Variants in PRKN observed in about 807,000 individuals in gnomAD.
The protein encoded by PRKN is parkin RBR E3 ubiquitin protein ligase, also known as E3 ubiquitin-protein ligase parkin.
Under a neutral mutation model 59.5 loss-of-function variants are expected in PRKN, and 56 were observed. That is an observed-to-expected ratio of 0.94 (90% CI 0.76 to 1.18). The LOEUF is 1.18. PRKN is among the 50% of genes most tolerant of loss of function. The pLI is 0.00. For synonymous variants in PRKN, 250 were observed against 222.1 expected, an observed-to-expected ratio of 1.13 and a Z score of -1.12; for missense variants, 657 against 596.4, an observed-to-expected ratio of 1.10 and a Z score of -1.06.
rs547047486 is a variant in PRKN at position 162,556,774 on chromosome 6, A to G, written c.8-113301T>C. 8.8e-5 allele frequency among the ~76,000 whole-genome samples: 13 copies of G among 147,692 alleles called. No individual in the cohort carries two copies. In the South Asian group the frequency reaches 2.9e-3, roughly 32 times the overall value. On this transcript the variant is annotated intron_variant, in intron 1 of 11. Coordinates refer to ENST00000366898, the MANE Select transcript of PRKN (RefSeq NM_004562.3). Reference sequence around the variant, plus strand: ...AAAAAAAAAAAAAAAGAGAAAAGGAAGCTGTAGCTTAGAACAGGAGAATGC... The same window carrying G: ...AAAAAAAAAAAAAAAGAGAAAAGGAGGCTGTAGCTTAGAACAGGAGAATGC...
rs146653669 is a variant in PRKN at position 161,451,400 on chromosome 6, T to C, written c.1084-64523A>G. 3.0e-4 allele frequency among the ~76,000 whole-genome samples: 46 copies of C among 152,272 alleles called. No homozygotes were observed. The highest frequency in any genetic ancestry group is 1.9e-3 in the East Asian group (10 of 5,178). ...ATATAAAGTTAGGATGTGGCCTGAT[T>C]AGCATAGGCAGAGTACTGAGAAGCC... On this transcript the variant is annotated intron_variant, in intron 9 of 11. Transcript: ENST00000366898. This position sits in a 1 kb window ranked among gnomAD's most constrained non-coding sequence, Gnocchi z 5.9.
Position 161,549,128 on chromosome 6 carries a change from G to T in PRKN, c.934-125C>A. On this transcript the variant is annotated intron_variant, in intron 8 of 11. Coordinates refer to ENST00000366898, the MANE Select transcript of PRKN (RefSeq NM_004562.3). This position sits in a 1 kb window ranked among gnomAD's most constrained non-coding sequence, Gnocchi z 6.0. ...TCAGTAAAATAATGCATGTGTGTGT[G>T]TGTGTGTGTGTGTAGGGGGAGGGAG... 1 of 958,164 alleles carries T rather than the reference G, an allele frequency of 1.0e-6. No individual in the cohort carries two copies. Among genetic ancestry groups the T allele is most frequent in the Non-Finnish European group, 1.6e-6 (1 of 608,934 alleles). 59.4% of individuals were successfully genotyped at this position (958,164 alleles called of 1,614,324 possible).
intron 1 of PRKN, among the ~76,000 whole-genome samples, chr6:162,604,127 C>T (rs1781812732): frequency 1.3e-5 from 2 of 152,230 alleles, no homozygotes; most frequent in Non-Finnish European, 2.9e-5. Flanking sequence ...TGTCTGACCA[C>T]AGCAACCTTT....
chr6:161,909,876 GGCAATAGT>G (rs1562383884), intron 6 of PRKN, among the ~76,000 whole-genome samples: 1 of 152,128 alleles, frequency 6.6e-6, no homozygotes, highest in African/African-American at 2.4e-5. Context: ...CTATTCTCTT[GGCAATAGT>G]GCAATAGTGA....
At chr6:161,366,883 G>A in intron 10 of PRKN, among the ~76,000 whole-genome samples, 1 of 151,892 alleles carries the variant, frequency 6.6e-6, no homozygotes. Context: ...TAATTGTGAA[G>A]GCTACCCAAT....
At chr6:162,343,394 C>T (rs748292043) in intron 2 of PRKN, among the ~76,000 whole-genome samples, 1 of 152,144 alleles carries the variant, frequency 6.6e-6, no homozygotes, top group Non-Finnish European at 1.5e-5. Context: ...TTAGCCATCC[C>T]GTGTGGTTGT....
intron 4 of PRKN, among the ~76,000 whole-genome samples, chr6:162,108,261 C>G (rs1433836160): frequency 4.6e-5 from 7 of 152,154 alleles, no homozygotes; most frequent in Non-Finnish European, 1.0e-4. Context: ...GAAGACACAG[C>G]CCTTTACAGC....
At chr6:162,057,861 A>C (rs1777928562) in intron 4 of PRKN, among the ~76,000 whole-genome samples, 1 of 152,220 alleles carries the variant, frequency 6.6e-6, no homozygotes, top group Non-Finnish European at 1.5e-5. Context: ...TCATACTAAT[A>C]GTGTGAGTAG....
intron 6 of PRKN, among the ~76,000 whole-genome samples, chr6:161,920,154 C>T (rs1300152966): frequency 6.6e-6 from 1 of 151,938 alleles, no homozygotes; most frequent in Non-Finnish European, 1.5e-5. Flanking sequence ...GGTGCTAAGG[C>T]AGGCGGATCA....
At chr6:161,616,437 G>A (rs1782698061) in intron 7 of PRKN, among the ~76,000 whole-genome samples, 1 of 149,626 alleles carries the variant, frequency 6.7e-6, no homozygotes, top group African/African-American at 2.5e-5. Flanking sequence ...TATACTTTAA[G>A]TGCTGGGATA....
chr6:162,351,474 T>C (rs1260632592), intron 2 of PRKN, among the ~76,000 whole-genome samples: 1 of 152,220 alleles, frequency 6.6e-6, no homozygotes, highest in Non-Finnish European at 1.5e-5. Context: ...AGAATTCATC[T>C]ATGTTTCTGG....
chr6:162,013,564 C>T (rs575131989), intron 5 of PRKN, among the ~76,000 whole-genome samples: 44 of 152,194 alleles, frequency 2.9e-4, no homozygotes, highest in African/African-American at 1.1e-3. Flanking sequence ...GTGTTATACA[C>T]AAAAATATCT....
Position 161,820,959 on chromosome 6 carries a change from C to T in PRKN, c.735-35051G>A, listed in dbSNP as rs146347405. ...ATCAATACAAAAACTCTCTGTACAG[C>T]GTGATTCTATCTATACTATCTTATG... is the stretch of plus-strand genomic sequence containing the variant. On this transcript the variant is annotated intron_variant, in intron 6 of 11. Coordinates refer to ENST00000366898, the MANE Select transcript of PRKN (RefSeq NM_004562.3). 9.2e-3 allele frequency among the ~76,000 whole-genome samples: 1,396 copies of T among 151,794 alleles called. 26 individuals are homozygous for T. The highest frequency in any genetic ancestry group is 0.068 in the South Asian group (325 of 4,798).
At chr6:162,660,643 G>A (rs936454415) in intron 1 of PRKN, among the ~76,000 whole-genome samples, 2 of 152,010 alleles carry the variant, frequency 1.3e-5, no homozygotes, top group African/African-American at 4.8e-5. Context: ...ACAAGAGTAG[G>A]AGGCTCCTGG....
At chr6:162,386,754 T>A (rs543722503) in intron 2 of PRKN, among the ~76,000 whole-genome samples, 2 of 152,216 alleles carry the variant, frequency 1.3e-5, no homozygotes, top group South Asian at 4.1e-4. Context: ...TGAACACAGA[T>A]GGAGAAAGAA....
intron 1 of PRKN, among the ~76,000 whole-genome samples, chr6:162,660,515 T>C (rs1484090078): frequency 6.6e-6 from 1 of 152,230 alleles, no homozygotes; most frequent in Non-Finnish European, 1.5e-5. Context: ...TCGTAGAGTC[T>C]TCTATGACCC....
intron 4 of PRKN, among the ~76,000 whole-genome samples, chr6:162,071,473 G>A (rs1384535030): frequency 9.9e-5 from 13 of 131,742 alleles, no homozygotes; most frequent in Non-Finnish European, 4.8e-5. Context: ...CAATACAACA[G>A]CACTAATTCT....
chr6:161,989,578 G>A (rs1781565450), intron 5 of PRKN, among the ~76,000 whole-genome samples: 1 of 151,990 alleles, frequency 6.6e-6, no homozygotes. Context: ...ATGCTATATG[G>A]GGACCTGGGG....
At chr6:162,682,716 A>C (rs117834044) in intron 1 of PRKN, among the ~76,000 whole-genome samples, 3,791 of 152,220 alleles carry the variant, frequency 0.025, 68 homozygotes, top group Non-Finnish European at 0.04. Context: ...TCATGAGTGC[A>C]CCAAACCAAC....
Sources: allele counts gnomAD v4.1 joint callset (sites outside exome capture counted in the v4.1 genomes callset), GRCh38; gene constraint gnomAD v4.1.1; non-coding constraint Gnocchi (gnomAD v3.1); transcripts MANE v1.5; gene names NCBI Gene and HGNC (gene_info 2026-07-23, HGNC 2026-07-21).